UNC13C: variants seen among roughly 807,000 people sequenced by gnomAD.
UNC13C encodes the protein unc-13 homolog C.
A neutral mutation model predicts 245.4 loss-of-function variants in UNC13C; 174 were observed. That is an observed-to-expected ratio of 0.71 (90% CI 0.63 to 0.80). UNC13C has a LOEUF of 0.80. Ranked by LOEUF, UNC13C falls within the 30% of genes least tolerant of loss-of-function variation. UNC13C has a pLI of 0.00. For missense variants in UNC13C, 2,829 were observed against 2,602.9 expected (o/e 1.09, Z -1.89); for synonymous variants, 992 against 895.1 (o/e 1.11, Z -1.93).
At chr15:54,603,619 T>C (rs1399123253) in intron 30 of UNC13C, among the ~76,000 whole-genome samples, 1 of 152,122 alleles carries the variant, frequency 6.6e-6, no homozygotes, top group Non-Finnish European at 1.5e-5. Context: ...CCCAACACTT[T>C]AGGAGGCCAA....
chr15:54,090,787 C>T (rs978906047), intron 2 of UNC13C, among the ~76,000 whole-genome samples: 1 of 152,142 alleles, frequency 6.6e-6, no homozygotes, highest in Non-Finnish European at 1.5e-5. Context: ...CTCCCACGCC[C>T]CCATTGATGG....
the UNC13C span, among the ~76,000 whole-genome samples, chr15:53,858,224 T>G: frequency 6.7e-3 from 1,024 of 152,300 alleles, 6 homozygotes; most frequent in Non-Finnish European, 9.6e-3. Flanking sequence ...ATTTACATAT[T>G]GAAAATTGAA....
the UNC13C span, among the ~76,000 whole-genome samples, chr15:53,854,346 C>G: frequency 6.6e-6 from 1 of 151,944 alleles, no homozygotes; most frequent in African/African-American, 2.4e-5. Context: ...GTCTCGAGCT[C>G]TTAACCTCGT....
the UNC13C span, among the ~76,000 whole-genome samples, chr15:53,940,956 T>C: frequency 6.6e-6 from 1 of 151,976 alleles, no homozygotes; most frequent in Non-Finnish European, 1.5e-5. Flanking sequence ...AGAAAAAAAA[T>C]CTATTTTAAA....
intron 2 of UNC13C, among the ~76,000 whole-genome samples, chr15:54,040,331 C>A (rs1054704242): frequency 6.6e-6 from 1 of 152,232 alleles, no homozygotes; most frequent in South Asian, 2.1e-4. Context: ...TGGGTCCAAT[C>A]CCACTTAAGA....
At chr15:54,344,997 A>T (rs1012427810) in intron 17 of UNC13C, among the ~76,000 whole-genome samples, 2 of 152,202 alleles carry the variant, frequency 1.3e-5, no homozygotes, top group Admixed American at 6.5e-5. Flanking sequence ...TCTTCTGCAT[A>T]GAATGTTTTA....
At chr15:54,456,251 T>G (rs369129599) in intron 19 of UNC13C, among the ~76,000 whole-genome samples, 1 of 152,236 alleles carries the variant, frequency 6.6e-6, no homozygotes, top group African/African-American at 2.4e-5. Context: ...TTGATAATTA[T>G]AGACTTGTAG....
chr15:54,545,151 AC>A (rs1896428480), intron 26 of UNC13C, among the ~76,000 whole-genome samples: 1 of 152,158 alleles, frequency 6.6e-6, no homozygotes, highest in Non-Finnish European at 1.5e-5. Flanking sequence ...CCACACATCC[AC>A]AACCACCTGA....
chr15:54,396,137 T>C (rs528940062), intron 18 of UNC13C, among the ~76,000 whole-genome samples: 2 of 151,844 alleles, frequency 1.3e-5, no homozygotes, highest in Non-Finnish European at 3.0e-5. Context: ...TTTCACATAT[T>C]TAAATAGTCT....
intron 4 of UNC13C, among the ~76,000 whole-genome samples, chr15:54,203,944 A>C (rs924227101): frequency 1.3e-4 from 19 of 143,496 alleles, no homozygotes; most frequent in African/African-American, 4.8e-4. Context: ...ACACACACAC[A>C]CAATGGAATG....
intron 4 of UNC13C, among the ~76,000 whole-genome samples, chr15:54,229,665 C>T (rs1185330261): frequency 6.6e-6 from 1 of 152,028 alleles, no homozygotes; most frequent in African/African-American, 2.4e-5. Context: ...AGCATTTTTC[C>T]AGAATACAGT....
intron 19 of UNC13C, among the ~76,000 whole-genome samples, chr15:54,446,994 G>A (rs1403958085): frequency 3.3e-5 from 5 of 152,132 alleles, no homozygotes; most frequent in Non-Finnish European, 5.9e-5. Flanking sequence ...AGAGTTTTTA[G>A]CATGAAGGGC....
intron 2 of UNC13C, among the ~76,000 whole-genome samples, chr15:54,117,155 CT>C (rs2030311618): frequency 6.6e-6 from 1 of 151,994 alleles, no homozygotes; most frequent in Non-Finnish European, 1.5e-5. Context: ...ATTTGAGCTC[CT>C]TATATATTCT....
rs555191432 is a variant in UNC13C, at chr15:54,153,819, T to C, written c.3071+10135T>C. Among the ~76,000 whole-genome samples the C allele has an allele frequency of 2.9e-4, 44 of 152,158 alleles. No homozygotes were observed. The South Asian group carries it at 6.0e-3, about 21-fold the overall frequency. ...ATAAACTAGTAATAGGTTGAATGAC[T>C]GGACCCAAGGTGTGATAATTCATGA... On this transcript the variant is annotated intron_variant, in intron 4 of 32. Coordinates refer to ENST00000260323, the MANE Select transcript of UNC13C (RefSeq NM_001080534.3).
At chr15:54,219,984 T>C (rs1403953915) in intron 4 of UNC13C, among the ~76,000 whole-genome samples, 1 of 146,350 alleles carries the variant, frequency 6.8e-6, no homozygotes, top group Non-Finnish European at 1.5e-5. Flanking sequence ...AGGAACACTT[T>C]TACACCGTTG....
At chr15:54,020,431 C>G (rs902918064) in intron 2 of UNC13C, among the ~76,000 whole-genome samples, 2 of 142,422 alleles carry the variant, frequency 1.4e-5, no homozygotes, top group Non-Finnish European at 3.0e-5. Context: ...TGCACCACCA[C>G]GCCCAGCTAA....
chr15:53,925,066 T>C, the UNC13C span, among the ~76,000 whole-genome samples: 1 of 152,200 alleles, frequency 6.6e-6, no homozygotes, highest in South Asian at 2.1e-4. Flanking sequence ...CAATGGTTCT[T>C]ATAAAGAGAA....
the UNC13C span, among the ~76,000 whole-genome samples, chr15:53,940,587 G>C: frequency 3.3e-5 from 5 of 152,118 alleles, no homozygotes; most frequent in Non-Finnish European, 7.3e-5. Flanking sequence ...CAGCCTAAAA[G>C]CTTCTTAAGC....
intron 1 of UNC13C, among the ~76,000 whole-genome samples, chr15:53,997,953 C>T (rs1355706379): frequency 6.6e-6 from 1 of 152,020 alleles, no homozygotes; most frequent in Admixed American, 6.5e-5. Flanking sequence ...CAGGTGTGCG[C>T]CACCATGACC....
Sources: gnomAD v4.1 joint callset for allele counts (sites outside exome capture counted in the v4.1 genomes callset) on GRCh38, gnomAD v4.1.1 for gene constraint, MANE v1.5 for transcripts, NCBI Gene and HGNC (gene_info 2026-07-23, HGNC 2026-07-21) for gene names.